CCDC93: variants seen among roughly 807,000 people sequenced by gnomAD.
The protein encoded by CCDC93 is CCC complex scaffolding subunit CCDC93.
In CCDC93, 61 loss-of-function variants were observed where a neutral mutation model predicts 108.2. The ratio of observed to expected loss-of-function variants is 0.56; its 90% CI spans 0.46 to 0.70. The LOEUF (loss-of-function observed/expected upper bound fraction) is 0.70. Ranked by LOEUF, CCDC93 falls within the 30% of genes least tolerant of loss-of-function variation. The pLI, the probability that CCDC93 is intolerant of heterozygous loss-of-function variation, is 0.00. For synonymous variants in CCDC93, 276 were observed against 260.4 expected (o/e 1.06, Z -0.58); for missense variants, 685 against 764.2 (o/e 0.90, Z 1.22).
chr2:117,954,919 G>A (rs926611330), intron 12 of CCDC93, among the ~76,000 whole-genome samples: 3 of 143,592 alleles, frequency 2.1e-5, no homozygotes, highest in Non-Finnish European at 4.7e-5. Flanking sequence ...CAGTCATCAT[G>A]TGAAGAAGGA....
rs1680618300 is a variant in CCDC93, at chr2:117,995,537, A to T, written c.463-35T>A. On this transcript the variant is annotated intron_variant, in intron 5 of 23. Coordinates refer to ENST00000376300, the MANE Select transcript of CCDC93 (RefSeq NM_019044.5). ...AAAACAGAGCGATTAAACAAATCCC[A>T]AGGGAAAATTAAAACTCAAGTGGAC... The T allele has an allele frequency of 5.1e-6, 8 of 1,556,836 alleles. No homozygotes were observed. In the East Asian group the frequency reaches 1.8e-4, roughly 35 times the overall value.
intron 23 of CCDC93, among the ~76,000 whole-genome samples, chr2:117,923,701 G>C (rs548203645): frequency 0.022 from 1 of 46 alleles, no homozygotes; most frequent in Non-Finnish European, 0.036. Flanking sequence ...GTCCACCTCT[G>C]GGGGCAGGCA....
At chr2:117,943,844 A>T (rs1678781681) in intron 18 of CCDC93, among the ~76,000 whole-genome samples, 180 bp downstream of exon 18, 1 of 152,234 alleles carries the variant, frequency 6.6e-6, no homozygotes, top group Non-Finnish European at 1.5e-5. Flanking sequence ...ACAATGTGAG[A>T]TGTTAATACC....
At chr2:117,935,449 A>G (rs1678491162) in intron 22 of CCDC93, 46 bp downstream of exon 22, 2 of 1,425,944 alleles carry the variant, frequency 1.4e-6, no homozygotes, top group Admixed American at 1.7e-5. Flanking sequence ...CTTCCCTGTC[A>G]CCACTATAAA....
At position 117,934,840 on chromosome 2, in the gene CCDC93, T is replaced by C. The variant is rs1418609062; in HGVS notation, c.1728+655A>G. 5 of 152,268 alleles carry C rather than the reference T, an allele frequency of 3.3e-5. No individual in the cohort carries two copies. In the East Asian group the frequency reaches 9.7e-4, roughly 29 times the overall value. The allele number at this position is 152,268 out of a possible 1,614,324, so 9.4% of individuals were successfully genotyped here. A position where few individuals can be genotyped will look rare whatever the true frequency, so the allele number is the denominator to read the frequency against. On this transcript the variant is annotated intron_variant, in intron 22 of 23. Coordinates refer to ENST00000376300, the MANE Select transcript of CCDC93 (RefSeq NM_019044.5). ...GTGATACATTTTTAAAACAGGACCA[T>C]AAGCAAGAGATATTTGGAGGTACTG...
At chr2:117,924,376 C>T (rs1284016213) in intron 23 of CCDC93, among the ~76,000 whole-genome samples, 2 of 152,146 alleles carry the variant, frequency 1.3e-5, no homozygotes, top group African/African-American at 2.4e-5. Flanking sequence ...AGTTAAAAAC[C>T]TTGAAAAAAA....
At chr2:117,937,856 G>C (rs1541715) in intron 20 of CCDC93, among the ~76,000 whole-genome samples, 1 of 151,840 alleles carries the variant, frequency 6.6e-6, no homozygotes, top group Non-Finnish European at 1.5e-5. Context: ...TGTAAGCCCC[G>C]GATACAGAAA....
At position 118,000,906 on chromosome 2, in the gene CCDC93, A is replaced by G; in HGVS notation, c.278T>C (p.Val93Ala). 2 of 1,613,578 alleles carry G rather than the reference A, an allele frequency of 1.2e-6. No individual in the cohort carries two copies. Among genetic ancestry groups the G allele is most frequent in the Non-Finnish European group, 1.7e-6 (2 of 1,179,582 alleles). The change falls in exon 4 of 24, where the codon GTC becomes GCC. Residue 93 changes from valine (V) to alanine (A), a missense_variant. By Grantham distance (64) the Val-to-Ala change is moderately conservative (BLOSUM62 0). Coordinates refer to ENST00000376300, the MANE Select transcript of CCDC93 (RefSeq NM_019044.5). ...GTGTGGGCATTTCATCCTTGGCAGG[A>G]CCGAGACAATTTTTTCTGACAGAGC... ...KIALSEKIVS[V>A]LPRMKCPHQL...
chr2:117,929,222 G>A (rs1416932149), intron 23 of CCDC93, among the ~76,000 whole-genome samples: 1 of 152,172 alleles, frequency 6.6e-6, no homozygotes, highest in Non-Finnish European at 1.5e-5. Flanking sequence ...TAACTAACCT[G>A]CACGTTGTGC....
At chr2:118,010,564 C>T (rs1012672852) in intron 1 of CCDC93, among the ~76,000 whole-genome samples, 38 of 152,080 alleles carry the variant, frequency 2.5e-4, no homozygotes, top group African/African-American at 8.7e-4. Flanking sequence ...TACTTCATTC[C>T]AGAACTCTTG....
chr2:117,941,348 A>G (rs778408860), intron 18 of CCDC93, 51 bp from the exon 19 acceptor site: 3 of 1,481,132 alleles, frequency 2.0e-6, no homozygotes, highest in East Asian at 2.3e-5. Context: ...AAGGCCTTAC[A>G]TGTTCTCTAG....
intron 6 of CCDC93, among the ~76,000 whole-genome samples, chr2:117,993,582 C>T (rs1291061715): frequency 1.3e-5 from 2 of 152,210 alleles, no homozygotes; most frequent in Non-Finnish European, 2.9e-5. Context: ...TAGCAATTTC[C>T]TGCCTCAGAG....
intron 7 of CCDC93, among the ~76,000 whole-genome samples, chr2:117,979,831 G>A (rs1001699981): frequency 1.3e-5 from 2 of 152,184 alleles, no homozygotes; most frequent in African/African-American, 4.8e-5. Context: ...GCTGAGGCTG[G>A]AAAAGAGACT....
In CCDC93 at chr2:117,918,226, T is replaced by C. The variant is rs1157032801; in HGVS notation, c.*2117A>G. 1.3e-5 allele frequency: 2 copies of C among 152,008 alleles called. No individual in the cohort carries two copies. Among genetic ancestry groups the C allele is most frequent in the Middle Eastern group, 3.2e-3 (1 of 316 alleles). 9.4% of individuals were successfully genotyped at this position (152,008 alleles called of 1,614,324 possible). ...CACTGAGAGTTGTCTGCAGCAAGTGTGAAATTTGAGCTCAAACTGGCTTCT... is the reference window on the plus strand; with the variant it reads ...CACTGAGAGTTGTCTGCAGCAAGTGCGAAATTTGAGCTCAAACTGGCTTCT... On this transcript the variant is annotated 3_prime_UTR_variant, in exon 24 of 24. Transcript: ENST00000376300.
At chr2:117,968,164 A>G (rs1370553184) in intron 11 of CCDC93, among the ~76,000 whole-genome samples, 2 of 152,218 alleles carry the variant, frequency 1.3e-5, no homozygotes, top group Admixed American at 6.5e-5. Flanking sequence ...GTGTATGGTT[A>G]GTTAGTATGC....
chr2:117,919,496 C>G lies in CCDC93; in HGVS notation c.*847G>C, dbSNP rs1213425384. On this transcript the variant is annotated 3_prime_UTR_variant, in exon 24 of 24. Coordinates refer to ENST00000376300, the MANE Select transcript of CCDC93 (RefSeq NM_019044.5). ...AACAGTGTCTATCTCTCTCCTGGCT[C>G]AGACCATGACCCATCTGCAGCGTAG... The G allele has an allele frequency of 6.6e-6, 1 of 152,188 alleles. No homozygotes were observed. Among genetic ancestry groups the G allele is most frequent in the African/African-American group, 2.4e-5 (1 of 41,432 alleles). 9.4% of individuals were successfully genotyped at this position (152,188 alleles called of 1,614,324 possible). A position where few individuals can be genotyped will look rare whatever the true frequency, so the allele number is the denominator to read the frequency against.
At chr2:117,936,372 G>C (rs1678525822) in intron 21 of CCDC93, 1 of 215,126 alleles carries the variant, frequency 4.6e-6, no homozygotes, top group Non-Finnish European at 9.1e-6. Flanking sequence ...ATTCCATTAT[G>C]TAAATTTTAA....
chr2:117,985,499 G>GT (rs1680289327), intron 7 of CCDC93: 1 of 791,696 alleles, frequency 1.3e-6, no homozygotes, highest in Non-Finnish European at 1.5e-6. Context: ...TTTTTTTAAA[G>GT]TAAAAACTAA....
intron 13 of CCDC93, chr2:117,949,993 C>T (rs914262119): frequency 1.4e-5 from 14 of 985,312 alleles, no homozygotes; most frequent in Non-Finnish European, 1.7e-5. Flanking sequence ...CTCTCTTAAA[C>T]ACAAGAGCTG....
Sources: allele counts gnomAD v4.1 joint callset (sites outside exome capture counted in the v4.1 genomes callset), GRCh38; gene constraint gnomAD v4.1.1; transcripts MANE v1.5; gene names NCBI Gene and HGNC (gene_info 2026-07-23, HGNC 2026-07-21).